Variants in PBX4 observed in about 807,000 individuals in gnomAD.
PBX4 encodes pre-B-cell leukemia transcription factor 4.
In PBX4, 26 loss-of-function variants were observed where a neutral mutation model predicts 35.1. The ratio of observed to expected loss-of-function variants is 0.74; its 90% CI spans 0.54 to 1.03. PBX4 has a LOEUF of 1.03. Ranked by LOEUF, PBX4 falls within the 50% of genes least tolerant of loss-of-function variation. PBX4 has a pLI of 0.00. For missense variants in PBX4, 448 were observed against 504.3 expected (o/e 0.89, Z 1.07); for synonymous variants, 199 against 204.2 (o/e 0.97, Z 0.22).
intron 2 of PBX4, among the ~76,000 whole-genome samples, chr19:19,594,783 G>T (rs1225667481): frequency 1.3e-5 from 2 of 151,970 alleles, no homozygotes; most frequent in Non-Finnish European, 2.9e-5. Context: ...GTGCAGTGGC[G>T]CAATGTCATC....
rs980478692 is a variant in PBX4, at chr19:19,563,380, C to T, written c.1032+129G>A. 4.3e-6 allele frequency: 3 copies of T among 692,538 alleles called. No individual in the cohort carries two copies. Among genetic ancestry groups the T allele is most frequent in the Non-Finnish European group, 7.2e-6 (3 of 415,722 alleles). The allele number at this position is 692,538 out of a possible 1,614,324, so 42.9% of individuals were successfully genotyped here. On this transcript the variant is annotated intron_variant, in intron 7 of 7. Coordinates refer to ENST00000251203, the MANE Select transcript of PBX4 (RefSeq NM_025245.3). This position sits in a 1 kb window ranked among gnomAD's most constrained non-coding sequence, Gnocchi z 5.1. The stretch of plus-strand genomic sequence containing the variant: ...GAGCTGTGCCCCAGAGGTGGCCGCG[C>T]AGCATGGCCTGTGTGGCTGCTGGGA...
At chr19:19,600,554 C>T (rs1409748906) in intron 1 of PBX4, among the ~76,000 whole-genome samples, 1 of 151,668 alleles carries the variant, frequency 6.6e-6, no homozygotes, top group Admixed American at 6.6e-5. Flanking sequence ...GGCAGTGGCT[C>T]ATGCCTGTAA....
intron 1 of PBX4, among the ~76,000 whole-genome samples, chr19:19,603,425 C>T (rs772989743): frequency 7.2e-5 from 11 of 151,998 alleles, no homozygotes; most frequent in Non-Finnish European, 1.2e-4. Flanking sequence ...GATTCTCCTG[C>T]GGCCTCCAGA....
intron 2 of PBX4, among the ~76,000 whole-genome samples, chr19:19,573,330 T>A (rs201991661): frequency 7.5e-6 from 1 of 133,378 alleles, no homozygotes; most frequent in Non-Finnish European, 1.6e-5. Flanking sequence ...AAAAAAAATA[T>A]ACACACACAC....
intron 1 of PBX4, among the ~76,000 whole-genome samples, chr19:19,611,874 T>A (rs2061664601): frequency 6.6e-6 from 1 of 152,018 alleles, no homozygotes; most frequent in Admixed American, 6.6e-5. Context: ...GGATGGCTCA[T>A]GACTGTAGTC....
At chr19:19,614,223 T>G (rs761662862) in intron 1 of PBX4, among the ~76,000 whole-genome samples, 10 of 151,932 alleles carry the variant, frequency 6.6e-5, no homozygotes, top group Non-Finnish European at 1.0e-4. Context: ...TCCCAGCTAC[T>G]TGGGAGACTG....
At chr19:19,615,165 CAAAAAAAAAAAAAAA>C (rs33921244) in intron 1 of PBX4, among the ~76,000 whole-genome samples, 6 of 54,156 alleles carry the variant, frequency 1.1e-4, no homozygotes, top group Admixed American at 2.6e-4. Flanking sequence ...ACCCTGTCTC[CAAAAAAAAAAAAAAA>C]AAAAAAAAAA....
intron 2 of PBX4, among the ~76,000 whole-genome samples, chr19:19,579,512 C>T (rs2061440387): frequency 6.6e-6 from 1 of 152,238 alleles, no homozygotes; most frequent in South Asian, 2.1e-4. Context: ...CCCCAAGCTG[C>T]TCACCTGCCC....
chr19:19,562,585 T>C lies in PBX4; in HGVS notation c.1033-468A>G, dbSNP rs1049309464. Among the ~76,000 whole-genome samples the C allele has an allele frequency of 1.3e-5, 2 of 152,026 alleles. No homozygotes were observed. The highest frequency in any genetic ancestry group is 2.9e-5 in the Non-Finnish European group (2 of 67,968). Reference sequence around the variant, plus strand: ...CTTGTCATAAGGGGTGGGGGCTCTGTCTGCAGTGCAGAGACGGCATCACGT... The same window carrying C: ...CTTGTCATAAGGGGTGGGGGCTCTGCCTGCAGTGCAGAGACGGCATCACGT... On this transcript the variant is annotated intron_variant, in intron 7 of 7. Transcript: ENST00000251203. The surrounding 1 kb of genome is among the most constrained non-coding windows in gnomAD (Gnocchi z 4.8).
chr19:19,613,445 C>CA lies in PBX4; in HGVS notation c.119+5065dup, dbSNP rs57256131. On this transcript the variant is annotated intron_variant, in intron 1 of 7. Transcript: ENST00000251203. ...AACACGCCAGAGCGAGACTCTGTCT[C>CA]AAAAAAAAAAAAAAAAAAAAAAAAA... 3.2e-3 allele frequency among the ~76,000 whole-genome samples: 359 copies of CA among 113,538 alleles called. 5 individuals are homozygous for CA. The highest frequency in any genetic ancestry group is 7.0e-3 in the East Asian group (24 of 3,446). The allele number at this position is 113,538 out of a possible 152,430, so 74.5% of individuals were successfully genotyped here.
Position 19,618,570 on chromosome 19 carries a change from G to C in PBX4, c.60C>G (p.Ser20Arg). 2 of 1,364,966 alleles carry C rather than the reference G, an allele frequency of 1.5e-6. No individual in the cohort carries two copies. The highest frequency in any genetic ancestry group is 1.9e-6 in the Non-Finnish European group (2 of 1,052,216). 84.6% of individuals were successfully genotyped at this position (1,364,966 alleles called of 1,614,324 possible). A position where few individuals can be genotyped will look rare whatever the true frequency, so the allele number is the denominator to read the frequency against. ...SPPAPRRLDT[S>R]DVLQQIMAIT... Reference sequence around the variant, plus strand: ...TGGCCATGATCTGCTGCAGGACGTCGCTCGTGTCGAGGCGCCGCGGGGCGG... The same window carrying C: ...TGGCCATGATCTGCTGCAGGACGTCCCTCGTGTCGAGGCGCCGCGGGGCGG... The change falls in exon 1 of 8, where the codon AGC (serine) becomes AGG (arginine). Residue 20 changes from serine (S) to arginine (R), a missense_variant. By Grantham distance (110) the Ser-to-Arg change is moderately radical (BLOSUM62 -1). Coordinates refer to ENST00000251203, the MANE Select transcript of PBX4 (RefSeq NM_025245.3).
rs1410952387 is a variant in PBX4, at chr19:19,562,618, C to T, written c.1033-501G>A. Reference sequence around the variant, plus strand: ...GCAGAGACGGCATCACGTCCAACGGCGCTAAGACGTTTGTCCACAGGACCC... The same window carrying T: ...GCAGAGACGGCATCACGTCCAACGGTGCTAAGACGTTTGTCCACAGGACCC... On this transcript the variant is annotated intron_variant, in intron 7 of 7. Coordinates refer to ENST00000251203, the MANE Select transcript of PBX4 (RefSeq NM_025245.3). The surrounding 1 kb of genome is among the most constrained non-coding windows in gnomAD (Gnocchi z 4.8). 2.6e-5 allele frequency among the ~76,000 whole-genome samples: 4 copies of T among 152,178 alleles called. No homozygotes were observed. The highest frequency in any genetic ancestry group is 5.9e-5 in the Non-Finnish European group (4 of 68,022).
chr19:19,617,392 C>T (rs764241368), intron 1 of PBX4, among the ~76,000 whole-genome samples: 1 of 152,118 alleles, frequency 6.6e-6, no homozygotes, highest in Non-Finnish European at 1.5e-5. Flanking sequence ...CTCACTGCAG[C>T]CTCAGCCTCC....
chr19:19,614,660 T>C (rs1027751325), intron 1 of PBX4, among the ~76,000 whole-genome samples: 14 of 151,534 alleles, frequency 9.2e-5, no homozygotes, highest in Admixed American at 2.6e-4. Flanking sequence ...AGACTCCGTC[T>C]CAAAAAAACC....
chr19:19,564,890 C>T, intron 6 of PBX4, 43 bp downstream of exon 6: 1 of 1,612,590 alleles, frequency 6.2e-7, no homozygotes, highest in Middle Eastern at 1.7e-4. Flanking sequence ...CAGTGGCCGT[C>T]CACATGGGTA....
intron 1 of PBX4, among the ~76,000 whole-genome samples, chr19:19,609,986 C>T (rs575019881): frequency 8.5e-5 from 13 of 152,330 alleles, no homozygotes; most frequent in Non-Finnish European, 1.9e-4. Context: ...CACTCGGTAG[C>T]TGTCATTTAA....
At chr19:19,610,799 C>A (rs1335191727) in intron 1 of PBX4, among the ~76,000 whole-genome samples, 1 of 152,078 alleles carries the variant, frequency 6.6e-6, no homozygotes, top group Non-Finnish European at 1.5e-5. Context: ...AAAAGTACAC[C>A]AAAGACAGCA....
At chr19:19,578,262 C>T (rs531811508) in intron 2 of PBX4, among the ~76,000 whole-genome samples, 12 of 152,108 alleles carry the variant, frequency 7.9e-5, no homozygotes, top group South Asian at 4.2e-4. Context: ...GCTAAGTTAC[C>T]GAGGAGAAAC....
intron 2 of PBX4, among the ~76,000 whole-genome samples, chr19:19,580,813 G>C (rs2061449322): frequency 6.6e-6 from 1 of 152,222 alleles, no homozygotes; most frequent in African/African-American, 2.4e-5. Flanking sequence ...GCACGCTGCA[G>C]CCTTGACTTC....
Sources: gnomAD v4.1 joint callset for allele counts (sites outside exome capture counted in the v4.1 genomes callset) on GRCh38, gnomAD v4.1.1 for gene constraint, Gnocchi (gnomAD v3.1) non-coding constraint, MANE v1.5 for transcripts, NCBI Gene and HGNC (gene_info 2026-07-23, HGNC 2026-07-21) for gene names.